MTAP: variants seen among roughly 807,000 people sequenced by gnomAD.
MTAP encodes the protein methylthioadenosine phosphorylase.
MTAP carries 33 observed loss-of-function variants against 33.6 expected under a neutral mutation model. The observed-to-expected ratio is 0.98, with a 90% CI of 0.74 to 1.31. MTAP has a LOEUF of 1.31. MTAP is among the 40% of genes most tolerant of loss of function. The probability of loss-of-function intolerance (pLI) is 0.00; values close to 1 mark genes in which losing one functional copy is unlikely to be tolerated. For synonymous variants in MTAP, 148 were observed against 125.7 expected, an observed-to-expected ratio of 1.18 and a Z score of -1.19; for missense variants, 367 against 360.0, an observed-to-expected ratio of 1.02 and a Z score of -0.16.
At chr9:21,887,584 G>A (rs1341522269) in intron 1 of MTAP, among the ~76,000 whole-genome samples, 1 of 152,190 alleles carries the variant, frequency 6.6e-6, no homozygotes, top group African/African-American at 2.4e-5. Context: ...ATGTGCATGT[G>A]TCTTTATAGC....
intron 5 of MTAP, among the ~76,000 whole-genome samples, chr9:21,847,584 T>C (rs148219531): frequency 1.2e-3 from 180 of 152,344 alleles, no homozygotes; most frequent in Middle Eastern, 3.4e-3. Context: ...TGACCATATG[T>C]GGAATCACCC....
chr9:21,871,082 T>G (rs1450928978), downstream of MTAP, among the ~76,000 whole-genome samples: 1 of 152,164 alleles, frequency 6.6e-6, no homozygotes, highest in Admixed American at 6.6e-5. Flanking sequence ...TGAGGCTAAA[T>G]TTTTATAAGA....
intron 5 of MTAP, among the ~76,000 whole-genome samples, chr9:21,842,369 T>C (rs1825268083): frequency 1.3e-5 from 2 of 152,216 alleles, no homozygotes; most frequent in African/African-American, 4.8e-5. Context: ...CTGGCCTTGC[T>C]ACAGATCTAG....
intron 1 of MTAP, among the ~76,000 whole-genome samples, chr9:21,925,109 G>A (rs1488971563): frequency 6.6e-6 from 1 of 152,218 alleles, no homozygotes; most frequent in Non-Finnish European, 1.5e-5. Context: ...ACCCATGGGG[G>A]CATATGGGCA....
chr9:21,890,770 C>G (rs989686660), intron 1 of MTAP, among the ~76,000 whole-genome samples: 25 of 152,186 alleles, frequency 1.6e-4, no homozygotes, highest in Non-Finnish European at 8.8e-5. Context: ...TTCCCCCTGA[C>G]ACTTTGGGCA....
At chr9:21,870,666 T>G (rs1825922101), downstream of MTAP, among the ~76,000 whole-genome samples, 1 of 151,902 alleles carries the variant, frequency 6.6e-6, no homozygotes, top group African/African-American at 2.4e-5. Context: ...CAAAATGTTA[T>G]GGAGATGTAA....
At chr9:21,840,635 A>G (rs146763788) in intron 5 of MTAP, among the ~76,000 whole-genome samples, 7 of 152,348 alleles carry the variant, frequency 4.6e-5, no homozygotes, top group African/African-American at 1.4e-4. Context: ...AGCCCTGACT[A>G]TATCTCACAG....
intron 1 of MTAP, among the ~76,000 whole-genome samples, chr9:21,884,556 G>A (rs1376784832): frequency 1.3e-5 from 2 of 152,224 alleles, no homozygotes; most frequent in Non-Finnish European, 2.9e-5. Context: ...CAGTTCTAAA[G>A]GCTGGGAAGT....
Position 21,864,534 on chromosome 9 carries a change from A to G in MTAP, c.*2520A>G. 1.0e-6 allele frequency: 1 copy of G among 985,298 alleles called. No individual in the cohort carries two copies. Among genetic ancestry groups the G allele is most frequent in the Middle Eastern group, 5.2e-4 (1 of 1,914 alleles). 61.0% of individuals were successfully genotyped at this position (985,298 alleles called of 1,614,324 possible). A position where few individuals can be genotyped will look rare whatever the true frequency, so the allele number is the denominator to read the frequency against. On this transcript the variant is annotated 3_prime_UTR_variant, in exon 8 of 8. Coordinates refer to ENST00000644715, the MANE Select transcript of MTAP (RefSeq NM_002451.4). Reference sequence around the variant, plus strand: ...TTTGTTGGCCTTATAATCTGCTGTTATATTTGGCATGGATTTTCATGGTTT... The same window carrying G: ...TTTGTTGGCCTTATAATCTGCTGTTGTATTTGGCATGGATTTTCATGGTTT...
chr9:21,929,080 T>TG (rs546250921), intron 1 of MTAP, among the ~76,000 whole-genome samples: 102 of 152,048 alleles, frequency 6.7e-4, no homozygotes, highest in African/African-American at 2.3e-3. Flanking sequence ...AACTGTATTC[T>TG]GGGGGGGCCA....
intron 1 of MTAP, among the ~76,000 whole-genome samples, chr9:21,813,440 G>C (rs147591995): frequency 6.6e-6 from 1 of 152,220 alleles, no homozygotes; most frequent in East Asian, 1.9e-4. Context: ...GCAGCCAGGT[G>C]GTGCAGACTG....
intron 4 of MTAP, among the ~76,000 whole-genome samples, chr9:21,828,189 G>C (rs1254340891): frequency 6.6e-6 from 1 of 152,178 alleles, no homozygotes; most frequent in Non-Finnish European, 1.5e-5. Context: ...CTGTTTATGA[G>C]ACATATGGAT....
chr9:21,865,246 G>C lies in MTAP; in HGVS notation c.*3232G>C, dbSNP rs1394221409. 1 of 465,482 alleles carries C rather than the reference G, an allele frequency of 2.1e-6. No individual in the cohort carries two copies. The highest frequency in any genetic ancestry group is 6.4e-5 in the Admixed American group (1 of 15,644). 28.8% of individuals were successfully genotyped at this position (465,482 alleles called of 1,614,324 possible). A position where few individuals can be genotyped will look rare whatever the true frequency, so the allele number is the denominator to read the frequency against. ...ACAAGTCCTGTTTGTTTTATAAGGG[G>C]CTTTTCCCCCTTTTGCTCAACACTT... On this transcript the variant is annotated 3_prime_UTR_variant, in exon 8 of 8. Coordinates refer to ENST00000644715, the MANE Select transcript of MTAP (RefSeq NM_002451.4).
intron 1 of MTAP, among the ~76,000 whole-genome samples, chr9:21,883,996 C>T (rs765019519): frequency 1.3e-5 from 2 of 152,074 alleles, no homozygotes; most frequent in African/African-American, 2.4e-5. Flanking sequence ...AATCTCAGGC[C>T]TTGGTGGTTT....
rs1394027944 is a variant in MTAP, at chr9:21,863,319, T to C, written c.*1305T>C. Reference sequence around the variant, plus strand: ...TTTATTGTTATTTTATAGAAATGCTTTTTGTTGGCCGGGCACAGTTGCTCA... The same window carrying C: ...TTTATTGTTATTTTATAGAAATGCTCTTTGTTGGCCGGGCACAGTTGCTCA... On this transcript the variant is annotated 3_prime_UTR_variant, in exon 8 of 8. Coordinates refer to ENST00000644715, the MANE Select transcript of MTAP (RefSeq NM_002451.4). 1 of 984,556 alleles carries C rather than the reference T, an allele frequency of 1.0e-6. No homozygotes were observed. Among genetic ancestry groups the C allele is most frequent in the African/African-American group, 1.7e-5 (1 of 57,214 alleles). 61.0% of individuals were successfully genotyped at this position (984,556 alleles called of 1,614,324 possible).
chr9:21,879,888 C>T (rs1048303287), intron 1 of MTAP, among the ~76,000 whole-genome samples: 1 of 152,042 alleles, frequency 6.6e-6, no homozygotes, highest in African/African-American at 2.4e-5. Flanking sequence ...TGTAGGATTT[C>T]ATCTGAGAGG....
Position 21,865,194 on chromosome 9 carries a change from C to A in MTAP, c.*3180C>A. ...AATCATGGGGGTGGTTACCCCCACACTGCTGTTCTCATGATACTGAGTTCT... is the reference window on the plus strand; with the variant it reads ...AATCATGGGGGTGGTTACCCCCACAATGCTGTTCTCATGATACTGAGTTCT... On this transcript the variant is annotated 3_prime_UTR_variant, in exon 8 of 8. Coordinates refer to ENST00000644715, the MANE Select transcript of MTAP (RefSeq NM_002451.4). 1.6e-6 allele frequency: 1 copy of A among 643,452 alleles called. No homozygotes were observed. Among genetic ancestry groups the A allele is most frequent in the Non-Finnish European group, 1.9e-6 (1 of 517,848 alleles). 39.9% of individuals were successfully genotyped at this position (643,452 alleles called of 1,614,324 possible).
chr9:21,906,498 A>G (rs924740642), intron 1 of MTAP, among the ~76,000 whole-genome samples: 1 of 152,120 alleles, frequency 6.6e-6, no homozygotes, highest in African/African-American at 2.4e-5. Flanking sequence ...AGGAGAGCAG[A>G]GAGGAGAGAG....
chr9:21,916,957 A>G (rs916171418), intron 1 of MTAP, among the ~76,000 whole-genome samples: 3 of 152,212 alleles, frequency 2.0e-5, no homozygotes, highest in African/African-American at 7.2e-5. Context: ...GGCCCAGACT[A>G]GTGTGATAGA....
Sources: gnomAD v4.1 joint callset for allele counts (sites outside exome capture counted in the v4.1 genomes callset) on GRCh38, gnomAD v4.1.1 for gene constraint, MANE v1.5 for transcripts, NCBI Gene and HGNC (gene_info 2026-07-23, HGNC 2026-07-21) for gene names.